GUCY2C: variants seen among roughly 807,000 people sequenced by gnomAD.
GUCY2C encodes the protein guanylate cyclase 2C, also known as guanylyl cyclase C.
GUCY2C carries 118 observed loss-of-function variants against 131.1 expected under a neutral mutation model. That is an observed-to-expected ratio of 0.90 (90% CI 0.78 to 1.05). GUCY2C has a LOEUF of 1.05. GUCY2C is among the 50% of genes least tolerant of loss of function. GUCY2C has a pLI of 0.00. For synonymous variants in GUCY2C, 452 were observed against 457.8 expected (o/e 0.99, Z 0.16); for missense variants, 1,161 against 1,304.4 (o/e 0.89, Z 1.69).
At chr12:14,621,545 C>G (rs1436780141) in intron 22 of GUCY2C, among the ~76,000 whole-genome samples, 2 of 152,012 alleles carry the variant, frequency 1.3e-5, no homozygotes, top group Non-Finnish European at 2.9e-5. Flanking sequence ...TGAGGAACAC[C>G]CTTAGTTTCC....
chr12:14,617,174 A>G (rs1181543884), intron 24 of GUCY2C, among the ~76,000 whole-genome samples: 1 of 152,210 alleles, frequency 6.6e-6, no homozygotes, highest in Non-Finnish European at 1.5e-5. Flanking sequence ...AGGCCTCCCC[A>G]GAAGCAGATG....
intron 12 of GUCY2C, among the ~76,000 whole-genome samples, chr12:14,654,514 G>A (rs1023398526): frequency 2.0e-5 from 3 of 152,102 alleles, no homozygotes; most frequent in South Asian, 2.1e-4. Context: ...TGAGTTTACT[G>A]TCCCAAAGAC....
chr12:14,619,174 A>T (rs758397276), intron 24 of GUCY2C, 37 bp downstream of exon 24: 2 of 1,236,406 alleles, frequency 1.6e-6, no homozygotes, highest in African/African-American at 3.0e-5. Context: ...GGAAAACAGC[A>T]TCTTTGTCCT....
intron 22 of GUCY2C, 98 bp from the exon 23 acceptor site, chr12:14,621,314 G>A: frequency 9.1e-7 from 1 of 1,092,998 alleles, no homozygotes; most frequent in Middle Eastern, 3.1e-4. Context: ...AAAGTGATTT[G>A]GGAACACAGT....
intron 10 of GUCY2C, among the ~76,000 whole-genome samples, chr12:14,663,689 T>G (rs1187197121): frequency 6.6e-6 from 1 of 152,222 alleles, no homozygotes; most frequent in East Asian, 1.9e-4. Flanking sequence ...CACTGTATTC[T>G]CTATCATGAC....
chr12:14,653,579 T>C (rs1947708349), intron 12 of GUCY2C, among the ~76,000 whole-genome samples: 1 of 152,224 alleles, frequency 6.6e-6, no homozygotes, highest in African/African-American at 2.4e-5. Context: ...ATGTCAAATA[T>C]TGAACAAAAC....
intron 17 of GUCY2C, 68 bp downstream of exon 17, chr12:14,643,506 G>C: frequency 6.9e-7 from 1 of 1,446,244 alleles, no homozygotes. Flanking sequence ...ACAATTTCCT[G>C]ACCACGCTAC....
At position 14,674,981 on chromosome 12, in the gene GUCY2C, G is replaced by A. The variant is rs1250019468; in HGVS notation, c.949-221C>T. Reference sequence around the variant, plus strand: ...ACCCAGCATTTTGGGAGGCTGAGGAGGGCGGAGCACCTGAGTTCAGGAGTT... The same window carrying A: ...ACCCAGCATTTTGGGAGGCTGAGGAAGGCGGAGCACCTGAGTTCAGGAGTT... On this transcript the variant is annotated intron_variant, in intron 7 of 26. Coordinates refer to ENST00000261170, the MANE Select transcript of GUCY2C (RefSeq NM_004963.4). Among the ~76,000 whole-genome samples, 3 of 151,870 alleles carry A rather than the reference G, an allele frequency of 2.0e-5. No individual in the cohort carries two copies. In the East Asian group the frequency reaches 5.8e-4, roughly 29 times the overall value.
intron 10 of GUCY2C, among the ~76,000 whole-genome samples, chr12:14,664,139 G>A (rs1188214461): frequency 6.6e-6 from 1 of 152,116 alleles, no homozygotes; most frequent in Non-Finnish European, 1.5e-5. Context: ...GTGAAAATGT[G>A]AACTTTGGAT....
At chr12:14,619,062 T>C in intron 24 of GUCY2C, 149 bp downstream of exon 24, 1 of 552,624 alleles carries the variant, frequency 1.8e-6, no homozygotes. Context: ...AAAAGGTGGA[T>C]TGACACGGGT....
intron 11 of GUCY2C, among the ~76,000 whole-genome samples, chr12:14,658,764 C>T (rs1947809248): frequency 6.6e-6 from 1 of 151,904 alleles, no homozygotes; most frequent in African/African-American, 2.4e-5. Context: ...ACATTTAAAA[C>T]ATTTAAAACT....
chr12:14,638,539 A>G (rs1483077454), intron 19 of GUCY2C, among the ~76,000 whole-genome samples: 1 of 152,242 alleles, frequency 6.6e-6, no homozygotes, highest in Admixed American at 6.5e-5. Context: ...TTAGCCATAA[A>G]AATAATGAAA....
chr12:14,681,375 GTCCATTAAGATA>G lies in GUCY2C; in HGVS notation c.702_713del (p.Ile235_Asp238del). Reference sequence around the variant, plus strand: ...TCTTACCATTGCTTTTCCTGTTGTGGTCCATTAAGATATCCTGAAACTCCTTATCTTGTCTTA... The same window carrying G: ...TCTTACCATTGCTTTTCCTGTTGTGGTCCTGAAACTCCTTATCTTGTCTTA... On this transcript the variant is annotated inframe_deletion, in exon 5 of 27. Coordinates refer to ENST00000261170, the MANE Select transcript of GUCY2C (RefSeq NM_004963.4). 6.2e-7 allele frequency: 1 copy of G among 1,612,512 alleles called. No homozygotes were observed.
At chr12:14,661,327 G>A (rs766710658) in intron 10 of GUCY2C, among the ~76,000 whole-genome samples, 6 of 152,088 alleles carry the variant, frequency 3.9e-5, no homozygotes, top group Non-Finnish European at 7.4e-5. Context: ...ATCACCAAAT[G>A]TTACACAAAC....
chr12:14,672,190 A>G (rs1408890486), intron 9 of GUCY2C: 1 of 152,176 alleles, frequency 6.6e-6, no homozygotes, highest in East Asian at 1.9e-4. Context: ...GTTTGGATGG[A>G]TACAACATTG....
At chr12:14,653,575 A>T (rs912604663) in intron 12 of GUCY2C, among the ~76,000 whole-genome samples, 1 of 152,246 alleles carries the variant, frequency 6.6e-6, no homozygotes, top group Non-Finnish European at 1.5e-5. Flanking sequence ...TAAAATGTCA[A>T]ATATTGAACA....
rs577125436 is a variant in GUCY2C, at chr12:14,653,342, G to C, written c.1471-328C>G. Among the ~76,000 whole-genome samples, 4 of 152,282 alleles carry C rather than the reference G, an allele frequency of 2.6e-5. No individual in the cohort carries two copies. The South Asian group carries it at 8.3e-4, about 32-fold the overall frequency. On this transcript the variant is annotated intron_variant, in intron 12 of 26. Transcript: ENST00000261170. ...GAATTATTGCCTGTAGCTACAGATA[G>C]ATGCTCTTGGGGAAGGATGCTGTAC... is the stretch of plus-strand genomic sequence containing the variant.
chr12:14,677,263 T>G (rs1948254073), intron 6 of GUCY2C, among the ~76,000 whole-genome samples: 1 of 152,228 alleles, frequency 6.6e-6, no homozygotes, highest in Admixed American at 6.5e-5. Flanking sequence ...TGTGAGCTCA[T>G]GCTTGCTTTT....
In GUCY2C at chr12:14,683,068, A is replaced by G. The variant is rs149490672; in HGVS notation, c.585T>C (p.Asn195=). 6.2e-6 allele frequency: 10 copies of G among 1,612,644 alleles called. No individual in the cohort carries two copies. The highest frequency in any genetic ancestry group is 7.6e-6 in the Non-Finnish European group (9 of 1,178,830). The change falls in exon 4 of 27, where the codon AAT becomes AAC. Residue 195 remains asparagine (N), a synonymous_variant. Transcript: ENST00000261170. ...AGAAACAGTCCTCAGTTTCTGTACC[A>G]TTCTTGTAAACATACGAAGTGCTCC... The part of the protein sequence containing the change: ...YSWSTSYVYK[N]GTETEDCFWY...
Sources: gnomAD v4.1 joint callset for allele counts (sites outside exome capture counted in the v4.1 genomes callset) on GRCh38, gnomAD v4.1.1 for gene constraint, MANE v1.5 for transcripts, NCBI Gene and HGNC (gene_info 2026-07-23, HGNC 2026-07-21) for gene names.